Variants in SLC45A4 observed in about 807,000 individuals in gnomAD.
SLC45A4 encodes solute carrier family 45 member 4.
In SLC45A4, 32 loss-of-function variants were observed where a neutral mutation model predicts 63.7. The observed-to-expected ratio is 0.50, with a 90% confidence interval of 0.38 to 0.67. The LOEUF (loss-of-function observed/expected upper bound fraction) is 0.67. Among genes scored for constraint, SLC45A4 ranks in the 30% least tolerant of loss-of-function variants. The pLI is 0.00. For synonymous variants in SLC45A4, 535 were observed against 510.0 expected (o/e 1.05, Z -0.66); for missense variants, 1,027 against 1,157.7 (o/e 0.89, Z 1.64).
At chr8:141,290,114 C>T (rs1237264179) in intron 1 of SLC45A4, among the ~76,000 whole-genome samples, 2 of 152,102 alleles carry the variant, frequency 1.3e-5, no homozygotes, top group Non-Finnish European at 1.5e-5. Flanking sequence ...TTATACATGT[C>T]CATATATAAT....
intron 2 of SLC45A4, among the ~76,000 whole-genome samples, chr8:141,235,240 C>T (rs1009053998): frequency 6.6e-6 from 1 of 152,218 alleles, no homozygotes; most frequent in Non-Finnish European, 1.5e-5. Context: ...TCAAATGCCA[C>T]CCCCCTTCTT....
rs539953976 is a variant in SLC45A4 at position 141,277,802 on chromosome 8, G to A, written c.-400-23173C>T. On this transcript the variant is annotated intron_variant, in intron 1 of 8. Transcript: ENST00000517878. ...CTACAGGCGCCCACCACCACGCCCG[G>A]CTAATTTTTTTGTATTTTTTTTGTA... Among the ~76,000 whole-genome samples, 129 of 152,090 alleles carry A rather than the reference G, an allele frequency of 8.5e-4. 1 individual carries two copies. The highest frequency in any genetic ancestry group is 1.3e-3 in the Non-Finnish European group (89 of 68,006).
At chr8:141,299,165 G>A (rs1249356865) in intron 1 of SLC45A4, among the ~76,000 whole-genome samples, 5 of 152,158 alleles carry the variant, frequency 3.3e-5, no homozygotes, top group African/African-American at 1.2e-4. Context: ...CAGAAGCTCC[G>A]AGCACTGGGT....
At chr8:141,259,880 C>T (rs985562984) in intron 1 of SLC45A4, among the ~76,000 whole-genome samples, 22 of 152,158 alleles carry the variant, frequency 1.4e-4, no homozygotes, top group South Asian at 6.2e-4. Flanking sequence ...ACAAATGAAG[C>T]GAATGAATGA....
At chr8:141,238,120 C>G (rs1263970810) in intron 2 of SLC45A4, among the ~76,000 whole-genome samples, 1 of 152,208 alleles carries the variant, frequency 6.6e-6, no homozygotes, top group Non-Finnish European at 1.5e-5. Context: ...CTGTGCTGCT[C>G]CGTGGACGCC....
At chr8:141,279,120 C>T (rs749895135) in intron 1 of SLC45A4, among the ~76,000 whole-genome samples, 1 of 152,274 alleles carries the variant, frequency 6.6e-6, no homozygotes, top group Non-Finnish European at 1.5e-5. Flanking sequence ...CCAGGCTCTG[C>T]TGGTTCTCCT....
At chr8:141,301,081 G>A (rs1467749013) in intron 1 of SLC45A4, among the ~76,000 whole-genome samples, 2 of 152,144 alleles carry the variant, frequency 1.3e-5, no homozygotes, top group Non-Finnish European at 2.9e-5. Context: ...AAGCTGCTGT[G>A]GAGAAAGTCC....
rs1827068454 is a variant in SLC45A4 at position 141,227,320 on chromosome 8, CG to C, written c.242-5556del. On this transcript the variant is annotated intron_variant, in intron 2 of 8. Transcript: ENST00000517878. This position sits in a 1 kb window ranked among gnomAD's most constrained non-coding sequence, Gnocchi z 4.4. The stretch of plus-strand genomic sequence containing the variant: ...GGACTTTCTGGTGAGGGGAGACTGG[CG>C]GGGGGTGGGGAGGGCAAGGAGTGGG... 2.0e-5 allele frequency among the ~76,000 whole-genome samples: 3 copies of C among 150,226 alleles called. No homozygotes were observed. The highest frequency in any genetic ancestry group is 3.9e-4 in the East Asian group (2 of 5,080).
chr8:141,285,590 A>C (rs1830109434), intron 1 of SLC45A4, among the ~76,000 whole-genome samples: 1 of 152,098 alleles, frequency 6.6e-6, no homozygotes, highest in African/African-American at 2.4e-5. Context: ...CACTCCACCC[A>C]CTGCACATCC....
chr8:141,262,724 G>C (rs1176474324), intron 1 of SLC45A4, among the ~76,000 whole-genome samples: 2 of 152,178 alleles, frequency 1.3e-5, no homozygotes, highest in Non-Finnish European at 2.9e-5. Flanking sequence ...ACAGGTACTG[G>C]AGAGGATGTG....
At chr8:141,265,038 T>C (rs1414807550) in intron 1 of SLC45A4, among the ~76,000 whole-genome samples, 1 of 152,164 alleles carries the variant, frequency 6.6e-6, no homozygotes, top group East Asian at 1.9e-4. Flanking sequence ...TGAGCGAGAA[T>C]GGACAAAAAA....
chr8:141,295,075 G>A (rs1271178530), intron 1 of SLC45A4, among the ~76,000 whole-genome samples: 1 of 152,246 alleles, frequency 6.6e-6, no homozygotes, highest in Non-Finnish European at 1.5e-5. Context: ...TGGGTTGGCA[G>A]AGGGGTGTGG....
chr8:141,214,119 G>A (rs1239479150), intron 7 of SLC45A4, among the ~76,000 whole-genome samples: 1 of 151,222 alleles, frequency 6.6e-6, no homozygotes, highest in Non-Finnish European at 1.5e-5. Flanking sequence ...GAGTAGCCAG[G>A]AGGCAGAGGT....
At chr8:141,236,009 C>A (rs561330853) in intron 2 of SLC45A4, among the ~76,000 whole-genome samples, 44 of 152,168 alleles carry the variant, frequency 2.9e-4, no homozygotes, top group Non-Finnish European at 5.6e-4. Context: ...GAGGCTGAGG[C>A]AGGAGAATCG....
chr8:141,273,823 ATACGGAGCTCTTT>A (rs1337267603), intron 1 of SLC45A4, among the ~76,000 whole-genome samples: 1 of 152,226 alleles, frequency 6.6e-6, no homozygotes, highest in Non-Finnish European at 1.5e-5. Flanking sequence ...CTGTCCAATG[ATACGGAGCTCTTT>A]CAGTTATGGT....
chr8:141,260,962 T>C lies in SLC45A4; in HGVS notation c.-400-6333A>G, dbSNP rs1048863926. 1.2e-4 allele frequency among the ~76,000 whole-genome samples: 19 copies of C among 152,302 alleles called. No homozygotes were observed. The Middle Eastern group carries it at 0.014, about 109-fold the overall frequency. Reference sequence around the variant, plus strand: ...GACCAATATCCTTGATGAACATTGATGCAAAAATCCTCAATAAAATACTGG... The same window carrying C: ...GACCAATATCCTTGATGAACATTGACGCAAAAATCCTCAATAAAATACTGG... On this transcript the variant is annotated intron_variant, in intron 1 of 8. Transcript: ENST00000517878.
In SLC45A4 at chr8:141,227,483, G is replaced by A. The variant is rs1827083321; in HGVS notation, c.242-5718C>T. Among the ~76,000 whole-genome samples, 1 of 152,246 alleles carries A rather than the reference G, an allele frequency of 6.6e-6. No individual in the cohort carries two copies. On this transcript the variant is annotated intron_variant, in intron 2 of 8. Coordinates refer to ENST00000517878, the MANE Select transcript of SLC45A4 (RefSeq NM_001286646.2). The surrounding 1 kb of genome is among the most constrained non-coding windows in gnomAD (Gnocchi z 4.4). ...AATGCCACAGTGCGGCGAAACTCGT[G>A]AGCACAAGTCCTGCGTGGGAAAGGC...
intron 1 of SLC45A4, among the ~76,000 whole-genome samples, chr8:141,263,789 AT>A (rs1829145493): frequency 2.7e-5 from 4 of 149,002 alleles, no homozygotes; most frequent in African/African-American, 9.9e-5. Context: ...AAAAATAAAA[AT>A]AATAATAAAA....
At chr8:141,298,415 C>G (rs1465303250) in intron 1 of SLC45A4, among the ~76,000 whole-genome samples, 2 of 152,232 alleles carry the variant, frequency 1.3e-5, no homozygotes, top group Non-Finnish European at 2.9e-5. Flanking sequence ...CTGCCTTGAG[C>G]CTGGCACTGA....
Sources: allele counts gnomAD v4.1 joint callset (sites outside exome capture counted in the v4.1 genomes callset), GRCh38; gene constraint gnomAD v4.1.1; non-coding constraint Gnocchi (gnomAD v3.1); transcripts MANE v1.5; gene names NCBI Gene and HGNC (gene_info 2026-07-23, HGNC 2026-07-21).